Variants in SF3A3 observed in about 807,000 individuals in gnomAD.
SF3A3 encodes the protein splicing factor 3a subunit 3.
Under a neutral mutation model 85.8 loss-of-function variants are expected in SF3A3, and 9 were observed. The ratio of observed to expected loss-of-function variants is 0.10; its 90% CI spans 0.06 to 0.18. SF3A3 has a LOEUF of 0.18. Ranked by LOEUF, SF3A3 falls within the 10% of genes least tolerant of loss-of-function variation. SF3A3 has a pLI of 1.00. For missense variants in SF3A3, 306 were observed against 593.3 expected (o/e 0.52, Z 5.03); for synonymous variants, 195 against 204.4 (o/e 0.95, Z 0.39).
At position 37,972,112 on chromosome 1, in the gene SF3A3, T is replaced by C. The variant is rs1176145442; in HGVS notation, c.1006-2377A>G. On this transcript the variant is annotated intron_variant, in intron 12 of 16. Coordinates refer to ENST00000373019, the MANE Select transcript of SF3A3 (RefSeq NM_006802.4). ...TGATTGTACATTTAGAAAACTCCAT[T>C]GTCTCAGCCCAAAATCTCCTTAAGC... Among the ~76,000 whole-genome samples, 6 of 152,324 alleles carry C rather than the reference T, an allele frequency of 3.9e-5. No individual in the cohort carries two copies. In the South Asian group the frequency reaches 1.2e-3, roughly 32 times the overall value.
chr1:37,989,675 C>G, intron 1 of SF3A3, 80 bp from the exon 2 acceptor site: 1 of 1,532,544 alleles, frequency 6.5e-7, no homozygotes, highest in Non-Finnish European at 8.9e-7. Context: ...GGAGCTTACC[C>G]GCTCAGCTTT....
chr1:37,976,942 C>T lies in SF3A3; in HGVS notation c.947G>A (p.Arg316Lys). The change falls in exon 12 of 17, where the codon AGG (arginine) becomes AAG (lysine). Residue 316 changes from arginine to lysine, a missense_variant. By Grantham distance (26) the Arg-to-Lys change is conservative. Transcript: ENST00000373019. The stretch of plus-strand genomic sequence containing the variant: ...TTCTAGAAAAGCAATGTCTTTGTTC[C>T]TTTCAGTGTCTCTGAGAAAAAGAAA... The part of the protein sequence containing the change: ...KSKGTKRDTE[R>K]NKDIAFLEAQ... 1.9e-6 allele frequency: 3 copies of T among 1,608,128 alleles called. No individual in the cohort carries two copies. The highest frequency in any genetic ancestry group is 2.6e-6 in the Non-Finnish European group (3 of 1,174,816).
intron 15 of SF3A3, among the ~76,000 whole-genome samples, chr1:37,964,754 T>C (rs1646287007): frequency 6.6e-6 from 1 of 152,084 alleles, no homozygotes; most frequent in Non-Finnish European, 1.5e-5. Context: ...CAGCAGCACA[T>C]TCCCTGATAT....
intron 12 of SF3A3, among the ~76,000 whole-genome samples, chr1:37,973,785 C>G (rs994201769): frequency 1.3e-5 from 2 of 152,132 alleles, no homozygotes; most frequent in Non-Finnish European, 1.5e-5. Context: ...TGCACACTTA[C>G]GTTTATTGCA....
chr1:37,984,037 T>C, intron 6 of SF3A3, 132 bp downstream of exon 6: 2 of 512,416 alleles, frequency 3.9e-6, no homozygotes, highest in South Asian at 6.8e-5. Context: ...GCATATCACC[T>C]CTTTAATATT....
intron 4 of SF3A3, 130 bp from the exon 5 acceptor site, chr1:37,984,909 G>T: frequency 1.4e-6 from 1 of 703,422 alleles, no homozygotes; most frequent in Non-Finnish European, 2.5e-6. Context: ...CCGGGTTCAA[G>T]CGATTGTCCT....
chr1:37,974,755 C>T (rs1209459698), intron 12 of SF3A3, among the ~76,000 whole-genome samples: 1 of 152,192 alleles, frequency 6.6e-6, no homozygotes, highest in African/African-American at 2.4e-5. Flanking sequence ...GCTTATAAGG[C>T]AAAGTCCAAA....
intron 15 of SF3A3, 76 bp from the exon 16 acceptor site, chr1:37,960,251 C>T: frequency 7.4e-7 from 1 of 1,358,780 alleles, no homozygotes; most frequent in South Asian, 1.2e-5. Flanking sequence ...ATCCTCTCTC[C>T]CTGCCATTAG....
chr1:37,987,039 G>C (rs1646462327), intron 4 of SF3A3, among the ~76,000 whole-genome samples: 1 of 152,106 alleles, frequency 6.6e-6, no homozygotes, highest in Non-Finnish European at 1.5e-5. Flanking sequence ...TACCCATACT[G>C]TGCTCAGTCA....
chr1:37,976,817 G>A (rs1646382493), intron 12 of SF3A3, 67 bp downstream of exon 12: 1 of 986,516 alleles, frequency 1.0e-6, no homozygotes, highest in Non-Finnish European at 1.6e-6. Context: ...AGTATCTTCT[G>A]TGAGTTCCTC....
Position 37,976,854 on chromosome 1 carries a change from A to AT in SF3A3, c.1005+29dup. ...CCCTTTAACTCCTGTGCTTTATACC[A>AT]TTTTCCACTTTCAGCAGTCAGTCAC... On this transcript the variant is annotated intron_variant, in intron 12 of 16. Coordinates refer to ENST00000373019, the MANE Select transcript of SF3A3 (RefSeq NM_006802.4). 4 of 1,381,634 alleles carry AT rather than the reference A, an allele frequency of 2.9e-6. No homozygotes were observed. In the South Asian group the frequency reaches 4.6e-5, roughly 16 times the overall value. The allele number at this position is 1,381,634 out of a possible 1,614,324, so 85.6% of individuals were successfully genotyped here. A position where few individuals can be genotyped will look rare whatever the true frequency, so the allele number is the denominator to read the frequency against.
chr1:37,970,188 C>G (rs1332663158), intron 12 of SF3A3, among the ~76,000 whole-genome samples: 1 of 151,888 alleles, frequency 6.6e-6, no homozygotes, highest in Non-Finnish European at 1.5e-5. Context: ...ACCTGTGATC[C>G]CAGCTCTTTA....
At chr1:37,976,346 T>C (rs1355720514) in intron 12 of SF3A3, among the ~76,000 whole-genome samples, 2 of 152,156 alleles carry the variant, frequency 1.3e-5, no homozygotes, top group African/African-American at 4.8e-5. Flanking sequence ...CTGGTCAGGC[T>C]AGGCCTTTCT....
chr1:37,989,594 A>G lies in SF3A3; in HGVS notation c.98T>C (p.Leu33Pro). ...GTGATCAGAATTGATCTGGTCCCGG[A>G]GCTGAAAAAACAAACGGTGACACAA... ...AKEMLTKKST[L>P]RDQINSDHRT... The change falls in exon 2 of 17, where the codon CTC (leucine) becomes CCC (proline). Residue 33 changes from leucine to proline, a missense_variant and splice_region_variant. Physicochemically the swap from Leu to Pro is moderately conservative, Grantham distance 98 (BLOSUM62 -3). Coordinates refer to ENST00000373019, the MANE Select transcript of SF3A3 (RefSeq NM_006802.4). 2 of 1,613,882 alleles carry G rather than the reference A, an allele frequency of 1.2e-6. No homozygotes were observed. Among genetic ancestry groups the G allele is most frequent in the South Asian group, 2.2e-5 (2 of 91,058 alleles).
intron 7 of SF3A3, chr1:37,980,935 C>T (rs967063929): frequency 2.5e-5 from 8 of 324,886 alleles, no homozygotes; most frequent in Admixed American, 1.5e-4. Context: ...CCACAACCTC[C>T]GCCTCCCGGG....
intron 4 of SF3A3, among the ~76,000 whole-genome samples, chr1:37,986,873 T>C (rs1646461298): frequency 6.7e-6 from 1 of 150,008 alleles, no homozygotes; most frequent in Non-Finnish European, 1.5e-5. Context: ...GAGTAATTTC[T>C]GTGAAAGATA....
At chr1:37,964,815 G>A (rs1321499627) in intron 15 of SF3A3, among the ~76,000 whole-genome samples, 2 of 152,134 alleles carry the variant, frequency 1.3e-5, no homozygotes, top group Non-Finnish European at 2.9e-5. Context: ...TGTTTCTATA[G>A]CCTCAAACAC....
At chr1:37,973,563 T>C (rs544468644) in intron 12 of SF3A3, among the ~76,000 whole-genome samples, 79 of 152,276 alleles carry the variant, frequency 5.2e-4, no homozygotes, top group African/African-American at 1.9e-3. Flanking sequence ...ATGGCGATGA[T>C]TAAAAAGTCA....
chr1:37,977,988 G>C (rs574814965), intron 11 of SF3A3, among the ~76,000 whole-genome samples: 10 of 152,202 alleles, frequency 6.6e-5, no homozygotes, highest in African/African-American at 2.4e-4. Flanking sequence ...CTGCACTCCA[G>C]CCTGGGCAAC....
Sources: allele counts gnomAD v4.1 joint callset (sites outside exome capture counted in the v4.1 genomes callset), GRCh38; gene constraint gnomAD v4.1.1; transcripts MANE v1.5; gene names NCBI Gene and HGNC (gene_info 2026-07-23, HGNC 2026-07-21).